RABGGTB: variants seen among roughly 807,000 people sequenced by gnomAD.
The protein encoded by RABGGTB is geranylgeranyl transferase type-2 subunit beta.
Under a neutral mutation model 44.5 loss-of-function variants are expected in RABGGTB, and 20 were observed. The ratio of observed to expected loss-of-function variants is 0.45; its 90% CI spans 0.32 to 0.65. The LOEUF (loss-of-function observed/expected upper bound fraction) is 0.65, where lower values mean the gene tolerates loss of function less well. RABGGTB is among the 30% of genes least tolerant of loss of function. RABGGTB has a pLI of 0.05. For synonymous variants in RABGGTB, 128 were observed against 136.7 expected (o/e 0.94, Z 0.44); for missense variants, 302 against 398.7 (o/e 0.76, Z 2.06).
intron 6 of RABGGTB, chr1:75,791,963 A>G (rs1025442867): frequency 4.3e-5 from 20 of 461,564 alleles, no homozygotes; most frequent in Non-Finnish European, 5.4e-5. Flanking sequence ...ACTAGCCATG[A>G]AGAAATTTTG....
rs772316479 is a variant in RABGGTB, at chr1:75,789,313, T to C, written c.266T>C (p.Ile89Thr). 6.2e-7 allele frequency: 1 copy of C among 1,614,122 alleles called. No homozygotes were observed. Among genetic ancestry groups the C allele is most frequent in the Admixed American group, 1.7e-5 (1 of 60,022 alleles). ...QHECGGISASIGHDPHLLYTL... is the reference protein window; with the variant it reads ...QHECGGISASTGHDPHLLYTL... ...GAATGTGGTGGAATAAGTGCTAGTA[T>C]CGGACATGATCCTCATCTTTTATAC... is the stretch of plus-strand genomic sequence containing the variant. The change falls in exon 3 of 9, where the codon ATC (isoleucine) becomes ACC (threonine). Residue 89 changes from isoleucine to threonine, a missense_variant. Physicochemically the swap from Ile to Thr is moderately conservative, Grantham distance 89 (BLOSUM62 -1). Coordinates refer to ENST00000319942, the MANE Select transcript of RABGGTB (RefSeq NM_004582.4).
Sources: allele counts gnomAD v4.1 joint callset, GRCh38; gene constraint gnomAD v4.1.1; transcripts MANE v1.5; gene names NCBI Gene and HGNC (gene_info 2026-07-23, HGNC 2026-07-21).